ANKS1B: variants seen among roughly 807,000 people sequenced by gnomAD.
The protein encoded by ANKS1B is ankyrin repeat and sterile alpha motif domain-containing protein 1B.
In ANKS1B, 36 loss-of-function variants were observed where a neutral mutation model predicts 148.3. The observed-to-expected ratio is 0.24, with a 90% CI of 0.19 to 0.32. The LOEUF is 0.32. Among genes scored for constraint, ANKS1B ranks in the 10% least tolerant of loss-of-function variants. ANKS1B has a pLI of 1.00. For synonymous variants in ANKS1B, 542 were observed against 560.8 expected, an observed-to-expected ratio of 0.97 and a Z score of 0.47; for missense variants, 1,157 against 1,542.6, an observed-to-expected ratio of 0.75 and a Z score of 4.19.
intron 4 of ANKS1B, among the ~76,000 whole-genome samples, chr12:99,782,384 AC>A (rs1411495991): frequency 6.6e-6 from 1 of 152,028 alleles, no homozygotes; most frequent in African/African-American, 2.4e-5. Flanking sequence ...ACATGGCAAA[AC>A]CCCGTCTCTA....
At chr12:99,418,199 G>T (rs779746758) in intron 11 of ANKS1B, among the ~76,000 whole-genome samples, 3 of 151,948 alleles carry the variant, frequency 2.0e-5, no homozygotes, top group Admixed American at 2.0e-4. Context: ...CAAAAATGTT[G>T]GTATGCAAAG....
intron 9 of ANKS1B, among the ~76,000 whole-genome samples, chr12:99,646,380 T>C (rs749243421): frequency 8.2e-4 from 125 of 152,120 alleles, no homozygotes; most frequent in Non-Finnish European, 1.2e-3. Flanking sequence ...TCAAGTGGGC[T>C]GGGCACGGTG....
At chr12:99,001,246 C>T (rs868043619) in intron 17 of ANKS1B, among the ~76,000 whole-genome samples, 52 of 152,094 alleles carry the variant, frequency 3.4e-4, no homozygotes, top group South Asian at 2.3e-3. Flanking sequence ...GATCTTCCCA[C>T]GTCAGTCTCC....
At chr12:99,413,062 C>T (rs7978213) in intron 11 of ANKS1B, among the ~76,000 whole-genome samples, 39,379 of 151,878 alleles carry the variant, frequency 0.26, 5,278 homozygotes, top group East Asian at 0.43. Flanking sequence ...CAAACATAGA[C>T]AAAAAATATA....
At chr12:99,092,230 T>C (rs1008755792) in intron 15 of ANKS1B, among the ~76,000 whole-genome samples, 10 of 152,246 alleles carry the variant, frequency 6.6e-5, no homozygotes, top group South Asian at 2.1e-4. Context: ...GTTGACACCA[T>C]CCCCAGAGAG....
intron 12 of ANKS1B, among the ~76,000 whole-genome samples, chr12:99,289,445 C>T (rs2154007038): frequency 6.6e-6 from 1 of 152,156 alleles, no homozygotes; most frequent in African/African-American, 2.4e-5. Context: ...CAAAACATTT[C>T]ATCCAATGGC....
intron 14 of ANKS1B, among the ~76,000 whole-genome samples, chr12:99,174,449 C>T (rs1317884221): frequency 6.6e-6 from 1 of 152,180 alleles, no homozygotes; most frequent in Non-Finnish European, 1.5e-5. Context: ...CAACAATAGA[C>T]AAGAAATGCA....
chr12:98,897,056 G>A lies in ANKS1B; in HGVS notation c.2779-64920C>T, dbSNP rs762335001. Among the ~76,000 whole-genome samples, 22 of 152,166 alleles carry A rather than the reference G, an allele frequency of 1.4e-4. 1 individual carries two copies. The highest frequency in any genetic ancestry group is 4.1e-4 in the South Asian group (2 of 4,830). ...TCCTCTGCACTCTAGAGTCATTTGG[G>A]ATGTTTTGTGTCTGCACTACCTCTA... is the stretch of plus-strand genomic sequence containing the variant. On this transcript the variant is annotated intron_variant, in intron 17 of 26. Coordinates refer to ENST00000683438, the MANE Select transcript of ANKS1B (RefSeq NM_001352186.2).
At chr12:98,957,066 A>G (rs889781029) in intron 17 of ANKS1B, among the ~76,000 whole-genome samples, 9 of 152,180 alleles carry the variant, frequency 5.9e-5, no homozygotes, top group Non-Finnish European at 8.8e-5. Flanking sequence ...TCTAGAAGTG[A>G]GGATATCTCT....
intron 11 of ANKS1B, among the ~76,000 whole-genome samples, chr12:99,437,432 C>T (rs2095479522): frequency 6.6e-6 from 1 of 151,942 alleles, no homozygotes; most frequent in Admixed American, 6.6e-5. Flanking sequence ...TTCTTATGCT[C>T]ATTATGCTAA....
At chr12:98,812,774 A>T (rs2099107971) in intron 19 of ANKS1B, among the ~76,000 whole-genome samples, 1 of 152,082 alleles carries the variant, frequency 6.6e-6, no homozygotes, top group Non-Finnish European at 1.5e-5. Context: ...GGGTTTCACC[A>T]TGTTGCCCAG....
At chr12:99,712,706 T>C (rs2056800346) in intron 8 of ANKS1B, among the ~76,000 whole-genome samples, 1 of 152,096 alleles carries the variant, frequency 6.6e-6, no homozygotes, top group South Asian at 2.1e-4. Flanking sequence ...AAAAGTACAA[T>C]GGTGGCACAG....
chr12:99,675,228 T>C (rs2098556821), intron 8 of ANKS1B, among the ~76,000 whole-genome samples: 1 of 151,998 alleles, frequency 6.6e-6, no homozygotes, highest in African/African-American at 2.4e-5. Flanking sequence ...TAGTTATCTA[T>C]ACTAAGAGAA....
chr12:99,459,714 T>G (rs2095915851), intron 10 of ANKS1B, among the ~76,000 whole-genome samples: 1 of 151,614 alleles, frequency 6.6e-6, no homozygotes, highest in Non-Finnish European at 1.5e-5. Context: ...GAAAGCCTGC[T>G]ACAAGGAAAA....
intron 1 of ANKS1B, among the ~76,000 whole-genome samples, chr12:99,933,705 T>A (rs753866354): frequency 4.6e-5 from 7 of 152,188 alleles, no homozygotes; most frequent in Non-Finnish European, 1.0e-4. Flanking sequence ...TTTGACTTCT[T>A]CCTTTCCATT....
intron 16 of ANKS1B, among the ~76,000 whole-genome samples, chr12:99,070,350 A>G (rs2045880187): frequency 6.6e-6 from 1 of 152,222 alleles, no homozygotes; most frequent in Admixed American, 6.5e-5. Flanking sequence ...GTAATGAAAC[A>G]GTGCTTAGCT....
chr12:99,592,466 T>A, intron 9 of ANKS1B, among the ~76,000 whole-genome samples: 1 of 147,922 alleles, frequency 6.8e-6, no homozygotes. Flanking sequence ...AGTGGCTTAC[T>A]AGAGATTGGA....
intron 17 of ANKS1B, among the ~76,000 whole-genome samples, chr12:98,943,127 A>C (rs1051016669): frequency 6.6e-6 from 1 of 152,322 alleles, no homozygotes; most frequent in South Asian, 2.1e-4. Flanking sequence ...TGGGCTTGTG[A>C]TTACTGGGTA....
intron 8 of ANKS1B, among the ~76,000 whole-genome samples, chr12:99,670,101 CTT>C (rs1265976055): frequency 6.6e-6 from 1 of 152,100 alleles, no homozygotes; most frequent in East Asian, 1.9e-4. Flanking sequence ...GACAAAAACA[CTT>C]TTTAAAAGAA....
Sources: gnomAD v4.1 joint callset for allele counts (sites outside exome capture counted in the v4.1 genomes callset) on GRCh38, gnomAD v4.1.1 for gene constraint, MANE v1.5 for transcripts, NCBI Gene and HGNC (gene_info 2026-07-23, HGNC 2026-07-21) for gene names.